ERBB4: variants seen among roughly 807,000 people sequenced by gnomAD.
ERBB4 encodes the protein erb-b2 receptor tyrosine kinase 4.
Under a neutral mutation model 158.0 loss-of-function variants are expected in ERBB4, and 42 were observed. The ratio of observed to expected loss-of-function variants is 0.27; its 90% CI spans 0.21 to 0.34. ERBB4 has a LOEUF of 0.34. ERBB4 is among the 10% of genes least tolerant of loss of function. ERBB4 has a pLI of 1.00. For missense variants in ERBB4, 1,333 were observed against 1,624.1 expected (o/e 0.82, Z 3.08); for synonymous variants, 583 against 558.7 (o/e 1.04, Z -0.61).
chr2:211,929,267 CAG>C (rs140448083), intron 3 of ERBB4, among the ~76,000 whole-genome samples: 5,389 of 139,958 alleles, frequency 0.039, 120 homozygotes, highest in Middle Eastern at 0.096. Context: ...GTGTGTGTGA[CAG>C]AGAGAGAGAG....
At chr2:212,211,891 C>T (rs115678690) in intron 1 of ERBB4, among the ~76,000 whole-genome samples, 5,833 of 152,040 alleles carry the variant, frequency 0.038, 117 homozygotes, top group Middle Eastern at 0.058. Context: ...AGGACATGAT[C>T]TCATTTCTTT....
At chr2:212,506,056 CAT>C (rs1247237875) in intron 1 of ERBB4, among the ~76,000 whole-genome samples, 1 of 148,936 alleles carries the variant, frequency 6.7e-6, no homozygotes, top group Admixed American at 6.7e-5. Context: ...TCTCTGGACA[CAT>C]AGAATTTTGT....
At chr2:211,595,290 T>C (rs771705354) in intron 19 of ERBB4, among the ~76,000 whole-genome samples, 1 of 152,152 alleles carries the variant, frequency 6.6e-6, no homozygotes, top group Non-Finnish European at 1.5e-5. Flanking sequence ...GCAAGACCAC[T>C]TTAAAATTAA....
intron 7 of ERBB4, among the ~76,000 whole-genome samples, chr2:211,721,468 G>C (rs1238869820): frequency 3.2e-5 from 2 of 62,262 alleles, no homozygotes; most frequent in Non-Finnish European, 5.9e-5. Context: ...AAAAAAAATA[G>C]AGTCAAGTAA....
chr2:211,659,492 C>T (rs924454170), intron 15 of ERBB4, among the ~76,000 whole-genome samples: 1 of 151,832 alleles, frequency 6.6e-6, no homozygotes, highest in African/African-American at 2.4e-5. Context: ...TTCCTAAGTT[C>T]CTGCTCTATC....
At chr2:211,792,226 T>C (rs2076291907) in intron 3 of ERBB4, among the ~76,000 whole-genome samples, 1 of 151,746 alleles carries the variant, frequency 6.6e-6, no homozygotes, top group South Asian at 2.1e-4. Flanking sequence ...ACTCTACAGG[T>C]TATCTTGACT....
intron 1 of ERBB4, among the ~76,000 whole-genome samples, chr2:212,502,813 C>G (rs1187197001): frequency 1.3e-5 from 2 of 152,060 alleles, no homozygotes; most frequent in African/African-American, 4.8e-5. Context: ...ACTCTGTCAC[C>G]CTGCCCAGGT....
intron 4 of ERBB4, among the ~76,000 whole-genome samples, chr2:211,785,427 G>A (rs780959594): frequency 6.6e-6 from 1 of 152,078 alleles, no homozygotes; most frequent in Non-Finnish European, 1.5e-5. Flanking sequence ...GTTTAATATC[G>A]TCCCATTTGT....
At chr2:212,259,749 G>A (rs757885988) in intron 1 of ERBB4, among the ~76,000 whole-genome samples, 2 of 151,924 alleles carry the variant, frequency 1.3e-5, no homozygotes, top group African/African-American at 4.8e-5. Flanking sequence ...GATTTCTACC[G>A]ATGGAAAGAA....
intron 2 of ERBB4, among the ~76,000 whole-genome samples, chr2:212,053,735 A>G (rs961158307): frequency 1.3e-5 from 2 of 152,094 alleles, no homozygotes; most frequent in Non-Finnish European, 2.9e-5. Context: ...GGACTCCCCA[A>G]GCTATCTCTC....
intron 2 of ERBB4, among the ~76,000 whole-genome samples, chr2:212,054,387 G>A (rs1389637400): frequency 6.6e-6 from 1 of 152,104 alleles, no homozygotes; most frequent in Non-Finnish European, 1.5e-5. Flanking sequence ...ACCATTTTAA[G>A]TTCTGTTTCA....
At chr2:211,856,894 G>C (rs1271868230) in intron 3 of ERBB4, among the ~76,000 whole-genome samples, 10 of 152,126 alleles carry the variant, frequency 6.6e-5, no homozygotes, top group African/African-American at 2.4e-4. Context: ...TAATGTAGGA[G>C]TACTTTTGGT....
chr2:212,178,716 C>T (rs2081757723), intron 1 of ERBB4, among the ~76,000 whole-genome samples: 1 of 151,548 alleles, frequency 6.6e-6, no homozygotes, highest in African/African-American at 2.4e-5. Context: ...TCACCATTTA[C>T]ATATCAAGAT....
chr2:211,914,946 C>T (rs2079646714), intron 3 of ERBB4, among the ~76,000 whole-genome samples: 1 of 152,032 alleles, frequency 6.6e-6, no homozygotes, highest in Admixed American at 6.6e-5. Context: ...TGCTTAAAAT[C>T]CCAATCCTGT....
At chr2:212,244,861 T>G (rs2084253390) in intron 1 of ERBB4, among the ~76,000 whole-genome samples, 1 of 152,166 alleles carries the variant, frequency 6.6e-6, no homozygotes, top group South Asian at 2.1e-4. Context: ...TGACATTAAT[T>G]AAGCACTTAC....
At position 211,975,577 on chromosome 2, in the gene ERBB4, G is replaced by A. The variant is rs887489367; in HGVS notation, c.235-27961C>T. The stretch of plus-strand genomic sequence containing the variant: ...AGTAAACTACAAGTTTACACTCGGC[G>A]AACTTAGTTCATATTGTTTCAAATT... On this transcript the variant is annotated intron_variant, in intron 2 of 27. Coordinates refer to ENST00000342788, the MANE Select transcript of ERBB4 (RefSeq NM_005235.3). Among the ~76,000 whole-genome samples the A allele has an allele frequency of 3.9e-5, 6 of 152,210 alleles. No individual in the cohort carries two copies. In the East Asian group the frequency reaches 5.8e-4, roughly 15 times the overall value.
At chr2:212,466,680 G>A (rs528079120) in intron 1 of ERBB4, among the ~76,000 whole-genome samples, 1 of 152,268 alleles carries the variant, frequency 6.6e-6, no homozygotes, top group African/African-American at 2.4e-5. Flanking sequence ...TCTCAGTTAT[G>A]TCTTTATCAG....
intron 3 of ERBB4, among the ~76,000 whole-genome samples, chr2:211,808,687 G>C (rs1450864099): frequency 6.6e-6 from 1 of 152,112 alleles, no homozygotes; most frequent in Non-Finnish European, 1.5e-5. Context: ...AGCTTCATGG[G>C]GATGGCATTG....
chr2:211,795,671 GACGGAGAAAATC>G (rs1483091114), intron 3 of ERBB4, among the ~76,000 whole-genome samples: 6 of 151,754 alleles, frequency 4.0e-5, no homozygotes, highest in African/African-American at 1.5e-4. Flanking sequence ...CCATGCAAAA[GACGGAGAAAATC>G]ATGAAGGACA....
Sources: allele counts gnomAD v4.1 joint callset (sites outside exome capture counted in the v4.1 genomes callset), GRCh38; gene constraint gnomAD v4.1.1; transcripts MANE v1.5; gene names NCBI Gene and HGNC (gene_info 2026-07-23, HGNC 2026-07-21).